The following COL9A1 variants were observed in gnomAD, a reference collection of about 807,000 sequenced individuals.
The protein encoded by COL9A1 is collagen type IX alpha 1 chain.
A neutral mutation model predicts 142.6 loss-of-function variants in COL9A1; 104 were observed. The observed-to-expected ratio is 0.73, with a 90% CI of 0.62 to 0.86. The LOEUF is 0.86. COL9A1 is among the 40% of genes least tolerant of loss of function. The pLI, the probability that COL9A1 is intolerant of heterozygous loss-of-function variation, is 0.00. For synonymous variants in COL9A1, 466 were observed against 396.0 expected (o/e 1.18, Z -2.10); for missense variants, 1,210 against 1,176.6 (o/e 1.03, Z -0.42).
chr6:70,252,848 C>T (rs1771035258), intron 26 of COL9A1, among the ~76,000 whole-genome samples: 1 of 152,326 alleles, frequency 6.6e-6, no homozygotes, highest in Non-Finnish European at 1.5e-5. Context: ...GACTGGGGAG[C>T]TGCAGCCTGG....
chr6:70,267,716 G>A (rs1287099977), intron 17 of COL9A1, among the ~76,000 whole-genome samples: 1 of 152,156 alleles, frequency 6.6e-6, no homozygotes, highest in African/African-American at 2.4e-5. Flanking sequence ...TTCTTGTCAG[G>A]CCACTTGTCC....
At chr6:70,270,265 A>G in intron 15 of COL9A1, 49 bp downstream of exon 15, 4 of 1,571,888 alleles carry the variant, frequency 2.5e-6, no homozygotes, top group East Asian at 4.5e-5. Flanking sequence ...GATTTTTTTC[A>G]ACCCTGACTC....
At chr6:70,254,593 C>T (rs371459690) in intron 24 of COL9A1, 64 bp from the exon 25 acceptor site, 41 of 1,452,734 alleles carry the variant, frequency 2.8e-5, no homozygotes, top group Non-Finnish European at 3.6e-5. Flanking sequence ...TTTTAAGAAA[C>T]GGAGGAGCAC....
At chr6:70,259,134 G>GA (rs201771761) in intron 20 of COL9A1, among the ~76,000 whole-genome samples, 198 of 151,538 alleles carry the variant, frequency 1.3e-3, no homozygotes, top group African/African-American at 4.3e-3. Context: ...AAACAGCCTG[G>GA]AAAAAAAACA....
intron 18 of COL9A1, among the ~76,000 whole-genome samples, chr6:70,266,454 TGAAAA>T (rs985934559): frequency 3.3e-5 from 5 of 152,276 alleles, no homozygotes; most frequent in African/African-American, 7.2e-5. Context: ...GTGATTGATT[TGAAAA>T]GAAAAGAAAA....
At chr6:70,245,266 A>G (rs1185256834) in intron 28 of COL9A1, among the ~76,000 whole-genome samples, 3 of 152,226 alleles carry the variant, frequency 2.0e-5, no homozygotes, top group Non-Finnish European at 2.9e-5. Flanking sequence ...CTAAGCTAAG[A>G]TGAACATAAA....
intron 33 of COL9A1, among the ~76,000 whole-genome samples, chr6:70,236,167 C>CTTAA (rs1769899063): frequency 7.4e-6 from 1 of 135,220 alleles, no homozygotes; most frequent in Non-Finnish European, 1.6e-5. Context: ...TTACAACTTA[C>CTTAA]TTAAGTATGA....
At chr6:70,300,965 A>G (rs1774040305) in intron 2 of COL9A1, among the ~76,000 whole-genome samples, 1 of 152,226 alleles carries the variant, frequency 6.6e-6, no homozygotes, top group Admixed American at 6.5e-5. Flanking sequence ...CTAATCCTAA[A>G]TAAAATATAG....
chr6:70,286,737 G>T (rs927810731), intron 5 of COL9A1, among the ~76,000 whole-genome samples: 3 of 152,160 alleles, frequency 2.0e-5, no homozygotes, highest in African/African-American at 7.2e-5. Flanking sequence ...CTCAAAATTA[G>T]AAAATTTCCT....
Position 70,300,084 on chromosome 6 carries a change from AGCCACCT to A in COL9A1, c.251_257del (p.Gln84LeufsTer8), listed in dbSNP as rs2127608299. The A allele has an allele frequency of 6.2e-7, 1 of 1,614,014 alleles. No individual in the cohort carries two copies. Among genetic ancestry groups the A allele is most frequent in the East Asian group, 2.2e-5 (1 of 44,860 alleles). ...AGTCTACATTATTTCCCAACTTGTA[AGCCACCT>A]GCAATGTAGCTGATCCCACTACTCT... On this transcript the variant is annotated frameshift_variant, in exon 4 of 38. Coordinates refer to ENST00000357250, the MANE Select transcript of COL9A1 (RefSeq NM_001851.6). LOFTEE classifies it high-confidence loss of function.
intron 10 of COL9A1, among the ~76,000 whole-genome samples, chr6:70,277,251 AAT>A (rs1772823427): frequency 6.6e-6 from 1 of 152,146 alleles, no homozygotes; most frequent in Admixed American, 6.5e-5. Context: ...TACATATAAA[AAT>A]ATCTCTATTA....
intron 28 of COL9A1, among the ~76,000 whole-genome samples, chr6:70,243,975 A>G (rs2127567933): frequency 6.6e-6 from 1 of 152,312 alleles, no homozygotes; most frequent in African/African-American, 2.4e-5. Flanking sequence ...CTCCATATTA[A>G]TGTTTAATAT....
intron 20 of COL9A1, chr6:70,258,690 G>A (rs1423535772): frequency 6.6e-6 from 1 of 152,176 alleles, no homozygotes; most frequent in Non-Finnish European, 1.5e-5. Flanking sequence ...TTCAGCATGA[G>A]CTTAGACCCA....
intron 28 of COL9A1, among the ~76,000 whole-genome samples, chr6:70,248,273 G>A (rs960514604): frequency 4.6e-5 from 7 of 152,290 alleles, no homozygotes; most frequent in South Asian, 2.1e-4. Context: ...AGCCTACATC[G>A]TAAAGGCAGG....
chr6:70,221,446 C>T (rs1339494457), intron 37 of COL9A1, among the ~76,000 whole-genome samples: 4 of 152,180 alleles, frequency 2.6e-5, no homozygotes, highest in Non-Finnish European at 5.9e-5. Context: ...CCAAATAAAA[C>T]AGCTGCAGCA....
rs764673924 is a variant in COL9A1 at position 70,280,986 on chromosome 6, A to G, written c.912+18T>C. 1 of 1,612,618 alleles carries G rather than the reference A, an allele frequency of 6.2e-7. No homozygotes were observed. The highest frequency in any genetic ancestry group is 8.5e-7 in the Non-Finnish European group (1 of 1,178,830). On this transcript the variant is annotated intron_variant, in intron 9 of 37. Coordinates refer to ENST00000357250, the MANE Select transcript of COL9A1 (RefSeq NM_001851.6). The stretch of plus-strand genomic sequence containing the variant: ...CTAAAGGAAGGAAGTGGAGCGCCAT[A>G]TGCTCCAATCAACTTACCGGGGGGC...
intron 37 of COL9A1, among the ~76,000 whole-genome samples, chr6:70,220,375 GA>G (rs1297823450): frequency 7.9e-6 from 1 of 126,358 alleles, no homozygotes; most frequent in African/African-American, 3.1e-5. Flanking sequence ...GAAGGGTGTG[GA>G]GGGGTGTGGC....
intron 17 of COL9A1, 50 bp downstream of exon 17, chr6:70,268,754 C>G: frequency 6.5e-7 from 1 of 1,543,150 alleles, no homozygotes; most frequent in Non-Finnish European, 8.9e-7. Flanking sequence ...GTAAAGGCTC[C>G]ATTTTATCTG....
chr6:70,233,874 G>A (rs6919444), intron 35 of COL9A1, among the ~76,000 whole-genome samples: 61,445 of 151,884 alleles, frequency 0.4, 13,674 homozygotes, highest in Non-Finnish European at 0.52. Context: ...AACTAGCTAT[G>A]GGCTTCAGTG....
Sources: gnomAD v4.1 joint callset for allele counts (sites outside exome capture counted in the v4.1 genomes callset) on GRCh38, gnomAD v4.1.1 for gene constraint, MANE v1.5 for transcripts, NCBI Gene and HGNC (gene_info 2026-07-23, HGNC 2026-07-21) for gene names.